MYO10: variants seen among roughly 807,000 people sequenced by gnomAD.
MYO10 encodes myosin X.
A neutral mutation model predicts 257.3 loss-of-function variants in MYO10; 133 were observed. That is an observed-to-expected ratio of 0.52 (90% CI 0.45 to 0.60). The LOEUF (loss-of-function observed/expected upper bound fraction) is 0.60, where lower values mean the gene tolerates loss of function less well. Among genes scored for constraint, MYO10 ranks in the 20% least tolerant of loss-of-function variants. The pLI is 0.00. For synonymous variants in MYO10, 1,104 were observed against 1,028.6 expected, an observed-to-expected ratio of 1.07 and a Z score of -1.40; for missense variants, 2,399 against 2,635.7, an observed-to-expected ratio of 0.91 and a Z score of 1.97.
chr5:16,905,085 T>C (rs1458015708), intron 1 of MYO10, among the ~76,000 whole-genome samples: 2 of 151,988 alleles, frequency 1.3e-5, no homozygotes, highest in African/African-American at 4.8e-5. Flanking sequence ...ACTCAGTGAG[T>C]CTTGCATATG....
chr5:16,923,888 G>A (rs1380767082), intron 1 of MYO10, among the ~76,000 whole-genome samples: 7 of 152,060 alleles, frequency 4.6e-5, no homozygotes, highest in African/African-American at 1.7e-4. Context: ...TCAGGAGTTC[G>A]AGACCAGCCT....
At chr5:16,718,343 C>A (rs563059102) in intron 19 of MYO10, among the ~76,000 whole-genome samples, 1 of 152,188 alleles carries the variant, frequency 6.6e-6, no homozygotes, top group East Asian at 1.9e-4. Context: ...TGCGAGCGCA[C>A]GGCGCAGGAC....
At chr5:16,818,663 C>T (rs1267178727) in intron 2 of MYO10, among the ~76,000 whole-genome samples, 3 of 151,722 alleles carry the variant, frequency 2.0e-5, no homozygotes, top group Non-Finnish European at 2.9e-5. Context: ...GTCTCAAACC[C>T]CTGGGCTCAA....
At chr5:16,896,773 G>T (rs1272523598) in intron 1 of MYO10, among the ~76,000 whole-genome samples, 1 of 152,124 alleles carries the variant, frequency 6.6e-6, no homozygotes, top group Non-Finnish European at 1.5e-5. Context: ...GGGCACTCCT[G>T]CACTGAGCCA....
chr5:16,733,797 C>G (rs1417514827), intron 19 of MYO10, among the ~76,000 whole-genome samples: 2 of 152,180 alleles, frequency 1.3e-5, no homozygotes, highest in African/African-American at 4.8e-5. Context: ...TATTCCCATC[C>G]CCGGGCCTCT....
chr5:16,787,654 A>G (rs1479955960), intron 4 of MYO10, among the ~76,000 whole-genome samples: 1 of 149,392 alleles, frequency 6.7e-6, no homozygotes, highest in Non-Finnish European at 1.5e-5. Flanking sequence ...TATAATAATG[A>G]AAATGTGAAA....
At chr5:16,743,366 G>A (rs1740078288) in intron 19 of MYO10, among the ~76,000 whole-genome samples, 1 of 152,014 alleles carries the variant, frequency 6.6e-6, no homozygotes, top group African/African-American at 2.4e-5. Flanking sequence ...TTCTCAGCTG[G>A]ACACGGTGGC....
intron 39 of MYO10, among the ~76,000 whole-genome samples, chr5:16,670,281 TAGA>T (rs942451548): frequency 4.6e-5 from 7 of 152,128 alleles, no homozygotes; most frequent in South Asian, 2.1e-4. Context: ...TAAGGAAGGG[TAGA>T]AGAATAGATG....
At chr5:16,918,530 T>G (rs146770673) in intron 1 of MYO10, among the ~76,000 whole-genome samples, 9,813 of 146,484 alleles carry the variant, frequency 0.067, 402 homozygotes, top group African/African-American at 0.1. Context: ...GAGACAGAGT[T>G]TCGCTCTTGT....
At chr5:16,736,143 C>T (rs1165902561) in intron 19 of MYO10, among the ~76,000 whole-genome samples, 5 of 152,204 alleles carry the variant, frequency 3.3e-5, no homozygotes, top group Admixed American at 3.3e-4. Flanking sequence ...CCCAACCTGC[C>T]TTCTCTATCA....
intron 2 of MYO10, among the ~76,000 whole-genome samples, chr5:16,832,171 C>A (rs1743182694): frequency 6.6e-6 from 1 of 152,162 alleles, no homozygotes; most frequent in East Asian, 1.9e-4. Context: ...AACTCCTGAG[C>A]TCAAAACAAT....
chr5:16,664,072 G>C lies in MYO10; in HGVS notation c.*2620C>G, dbSNP rs1482909263. 1 of 152,212 alleles carries C rather than the reference G, an allele frequency of 6.6e-6. No homozygotes were observed. Among genetic ancestry groups the C allele is most frequent in the Non-Finnish European group, 1.5e-5 (1 of 68,060 alleles). The allele number at this position is 152,212 out of a possible 1,614,324, so 9.4% of individuals were successfully genotyped here. ...ACGGTACTTTGTCAGCTGTGATGCT[G>C]CTCTACAGTGATGGGGGATGCTACC... On this transcript the variant is annotated 3_prime_UTR_variant, in exon 41 of 41. Transcript: ENST00000513610.
chr5:16,827,865 T>C (rs1398298678), intron 2 of MYO10, among the ~76,000 whole-genome samples: 2 of 152,184 alleles, frequency 1.3e-5, no homozygotes, highest in Admixed American at 1.3e-4. Flanking sequence ...GAGGTAATAC[T>C]GATGCTCATT....
rs78165099 is a variant in MYO10, at chr5:16,893,653, GAA to G, written c.22-15948_22-15947del. On this transcript the variant is annotated intron_variant, in intron 1 of 40. Coordinates refer to ENST00000513610, the MANE Select transcript of MYO10 (RefSeq NM_012334.3). ...TGTCTCAAAAAAAAAAAAAAAAAAA[GAA>G]AATTATTTCCCTCCTACAGCAAAAT... Among the ~76,000 whole-genome samples, 6 of 127,122 alleles carry G rather than the reference GAA, an allele frequency of 4.7e-5. No homozygotes were observed. In the East Asian group the frequency reaches 1.1e-3, roughly 24 times the overall value. 83.4% of individuals were successfully genotyped at this position (127,122 alleles called of 152,430 possible).
Position 16,931,411 on chromosome 5 carries a change from C to T in MYO10, c.21+4377G>A, listed in dbSNP as rs1345522486. ...CAGCTGAACTGGAAAAGCAAACACTCTGCTCTCTCCCTCCACCACTCTGGT... is the reference window on the plus strand; with the variant it reads ...CAGCTGAACTGGAAAAGCAAACACTTTGCTCTCTCCCTCCACCACTCTGGT... On this transcript the variant is annotated intron_variant, in intron 1 of 40. Coordinates refer to ENST00000513610, the MANE Select transcript of MYO10 (RefSeq NM_012334.3). 2.0e-5 allele frequency among the ~76,000 whole-genome samples: 3 copies of T among 152,188 alleles called. No individual in the cohort carries two copies. The East Asian group carries it at 5.8e-4, about 29-fold the overall frequency.
intron 19 of MYO10, among the ~76,000 whole-genome samples, chr5:16,721,784 C>T (rs1382788492): frequency 6.6e-6 from 1 of 152,158 alleles, no homozygotes; most frequent in African/African-American, 2.4e-5. Context: ...CCTCAACTAC[C>T]TAATGGGAAA....
chr5:16,683,219 C>A (rs900185432), intron 30 of MYO10, among the ~76,000 whole-genome samples: 38 of 152,156 alleles, frequency 2.5e-4, no homozygotes, highest in Admixed American at 9.8e-4. Context: ...TTACTGAGGG[C>A]AGAAGACAAT....
At chr5:16,909,037 T>C (rs1275656483) in intron 1 of MYO10, among the ~76,000 whole-genome samples, 1 of 152,224 alleles carries the variant, frequency 6.6e-6, no homozygotes, top group Non-Finnish European at 1.5e-5. Context: ...ATTTTCATAC[T>C]GCTATGAAGA....
chr5:16,672,635 G>A, intron 37 of MYO10, 54 bp downstream of exon 37: 1 of 1,604,068 alleles, frequency 6.2e-7, no homozygotes, highest in Non-Finnish European at 8.5e-7. Context: ...CCTGAACCCT[G>A]CTCTGCAATT....
Sources: gnomAD v4.1 joint callset for allele counts (sites outside exome capture counted in the v4.1 genomes callset) on GRCh38, gnomAD v4.1.1 for gene constraint, MANE v1.5 for transcripts, NCBI Gene and HGNC (gene_info 2026-07-23, HGNC 2026-07-21) for gene names.